The following RAVER2 variants were observed in gnomAD, a reference collection of about 807,000 sequenced individuals.
RAVER2 encodes ribonucleoprotein PTB-binding 2.
A neutral mutation model predicts 78.1 loss-of-function variants in RAVER2; 46 were observed. The ratio of observed to expected loss-of-function variants is 0.59; its 90% CI spans 0.46 to 0.75. RAVER2 has a LOEUF of 0.75. Ranked by LOEUF, RAVER2 falls within the 30% of genes least tolerant of loss-of-function variation. The pLI, the probability that RAVER2 is intolerant of heterozygous loss-of-function variation, is 0.00. For synonymous variants in RAVER2, 311 were observed against 313.3 expected (o/e 0.99, Z 0.08); for missense variants, 793 against 837.5 (o/e 0.95, Z 0.66).
intron 4 of RAVER2, among the ~76,000 whole-genome samples, chr1:64,784,821 A>G (rs544805532): frequency 6.6e-6 from 1 of 152,316 alleles, no homozygotes; most frequent in African/African-American, 2.4e-5. Flanking sequence ...TAAATGTCAG[A>G]AATACTATCA....
chr1:64,746,779 G>T (rs1186529478), intron 1 of RAVER2, among the ~76,000 whole-genome samples: 1 of 152,166 alleles, frequency 6.6e-6, no homozygotes, highest in Non-Finnish European at 1.5e-5. Context: ...ACCTGCAATG[G>T]ACTGATTTCT....
chr1:64,796,396 C>T (rs1653097313), intron 5 of RAVER2, among the ~76,000 whole-genome samples: 2 of 151,988 alleles, frequency 1.3e-5, no homozygotes, highest in Admixed American at 1.3e-4. Context: ...GTGAAATCAG[C>T]TGTGTCAAAT....
At chr1:64,804,411 G>A (rs1264846117) in intron 6 of RAVER2, among the ~76,000 whole-genome samples, 1 of 152,032 alleles carries the variant, frequency 6.6e-6, no homozygotes. Context: ...CTAGAACATA[G>A]AAAGTGCTCA....
intron 1 of RAVER2, among the ~76,000 whole-genome samples, chr1:64,767,525 C>G (rs1652206822): frequency 6.6e-6 from 1 of 151,922 alleles, no homozygotes; most frequent in Non-Finnish European, 1.5e-5. Flanking sequence ...TTATTGAATT[C>G]AGCATTTTAG....
intron 3 of RAVER2, among the ~76,000 whole-genome samples, chr1:64,778,693 T>C (rs1652540367): frequency 6.7e-6 from 1 of 149,192 alleles, no homozygotes; most frequent in African/African-American, 2.5e-5. Context: ...AAATACATTC[T>C]AATAAATATA....
intron 1 of RAVER2, among the ~76,000 whole-genome samples, chr1:64,753,270 G>C (rs899103785): frequency 1.3e-5 from 2 of 152,018 alleles, no homozygotes; most frequent in South Asian, 4.1e-4. Flanking sequence ...GCTCAGGCTG[G>C]TCCCAAACTC....
intron 11 of RAVER2, among the ~76,000 whole-genome samples, chr1:64,827,172 CA>C (rs1323675761): frequency 1.3e-5 from 2 of 151,964 alleles, no homozygotes; most frequent in African/African-American, 2.4e-5. Flanking sequence ...GTAAAGACAC[CA>C]GGGGTTAGTC....
intron 11 of RAVER2, chr1:64,816,430 C>G (rs913868232): frequency 6.6e-6 from 1 of 152,158 alleles, no homozygotes; most frequent in African/African-American, 2.4e-5. Flanking sequence ...CTCTCGTGTT[C>G]TTTCTTCCTT....
At chr1:64,746,943 G>T (rs1200319061) in intron 1 of RAVER2, among the ~76,000 whole-genome samples, 1 of 152,196 alleles carries the variant, frequency 6.6e-6, no homozygotes, top group Non-Finnish European at 1.5e-5. Flanking sequence ...AAATAGAGAA[G>T]TATCTCAATG....
intron 11 of RAVER2, among the ~76,000 whole-genome samples, chr1:64,825,530 C>A (rs1300610505): frequency 2.0e-5 from 3 of 152,198 alleles, no homozygotes; most frequent in Admixed American, 2.0e-4. Flanking sequence ...TAATAAATAT[C>A]TTTAATTGGA....
chr1:64,796,926 T>C (rs991295950), intron 5 of RAVER2, among the ~76,000 whole-genome samples: 3 of 152,170 alleles, frequency 2.0e-5, no homozygotes, highest in Non-Finnish European at 4.4e-5. Flanking sequence ...TTTTGATATG[T>C]TATTTTCATT....
chr1:64,820,893 ATAATT>A (rs1653873839), intron 11 of RAVER2, among the ~76,000 whole-genome samples: 1 of 152,194 alleles, frequency 6.6e-6, no homozygotes, highest in African/African-American at 2.4e-5. Context: ...TTATGATAGA[ATAATT>A]TATATTCCTC....
intron 11 of RAVER2, chr1:64,816,247 A>C (rs1228134616): frequency 6.6e-6 from 1 of 152,138 alleles, no homozygotes; most frequent in Non-Finnish European, 1.5e-5. Flanking sequence ...TCATTCACAC[A>C]TGGAGAAATT....
chr1:64,792,494 C>T (rs774616032), intron 5 of RAVER2, among the ~76,000 whole-genome samples: 4 of 152,170 alleles, frequency 2.6e-5, no homozygotes, highest in Admixed American at 2.6e-4. Flanking sequence ...TAATTCATCT[C>T]AAGTATTATT....
At chr1:64,774,067 C>G (rs192486255) in intron 2 of RAVER2, among the ~76,000 whole-genome samples, 1 of 152,040 alleles carries the variant, frequency 6.6e-6, no homozygotes. Context: ...TTTGTAGATT[C>G]TGGATATATT....
chr1:64,795,662 T>G (rs1270649313), intron 5 of RAVER2, among the ~76,000 whole-genome samples: 2 of 152,114 alleles, frequency 1.3e-5, no homozygotes, highest in African/African-American at 4.8e-5. Flanking sequence ...TTATCTTATA[T>G]CCTACAGTCT....
Position 64,747,739 on chromosome 1 carries a change from C to T in RAVER2, c.249+2318C>T, listed in dbSNP as rs368881202. Among the ~76,000 whole-genome samples the T allele has an allele frequency of 2.1e-4, 32 of 152,238 alleles. 7 individuals are homozygous for T. Among genetic ancestry groups the T allele is most frequent in the Admixed American group, 3.9e-4 (6 of 15,286 alleles). ...ATGTTGACCAGGCCGGTCTTGAACT[C>T]CTGACCTCAGGTGATCCCACACGCC... On this transcript the variant is annotated intron_variant, in intron 1 of 11. Coordinates refer to ENST00000294428, the Ensembl canonical transcript of RAVER2.
intron 1 of RAVER2, among the ~76,000 whole-genome samples, chr1:64,761,680 G>A (rs1457939627): frequency 1.3e-5 from 2 of 152,036 alleles, no homozygotes; most frequent in Admixed American, 1.3e-4. Context: ...ATTCAAGACT[G>A]TATTGGAATT....
intron 1 of RAVER2, among the ~76,000 whole-genome samples, chr1:64,762,023 G>A (rs1652037600): frequency 6.6e-6 from 1 of 152,110 alleles, no homozygotes; most frequent in African/African-American, 2.4e-5. Context: ...GCTGAGGTGG[G>A]AAGATCACTT....
Sources: gnomAD v4.1 joint callset for allele counts (sites outside exome capture counted in the v4.1 genomes callset) on GRCh38, gnomAD v4.1.1 for gene constraint, MANE v1.5 for transcripts, NCBI Gene and HGNC (gene_info 2026-07-23, HGNC 2026-07-21) for gene names.